Variants in DAB2 observed in about 807,000 individuals in gnomAD.
DAB2 encodes disabled homolog 2.
Under a neutral mutation model 71.6 loss-of-function variants are expected in DAB2, and 28 were observed. That is an observed-to-expected ratio of 0.39 (90% CI 0.29 to 0.54). The LOEUF is 0.54. DAB2 is among the 20% of genes least tolerant of loss of function. The probability of loss-of-function intolerance (pLI) is 0.68; values close to 1 mark genes in which losing one functional copy is unlikely to be tolerated. For synonymous variants in DAB2, 345 were observed against 339.7 expected, an observed-to-expected ratio of 1.02 and a Z score of -0.17; for missense variants, 867 against 928.8, an observed-to-expected ratio of 0.93 and a Z score of 0.86.
At chr5:39,393,511 A>G in intron 2 of DAB2, 118 bp from the exon 3 acceptor site, 2 of 1,062,432 alleles carry the variant, frequency 1.9e-6, no homozygotes, top group Non-Finnish European at 2.8e-6. Context: ...CTGATCATGT[A>G]TGTAATATTC....
chr5:39,382,919 A>C lies in DAB2; in HGVS notation c.1040T>G (p.Phe347Cys), dbSNP rs762772988. 2.5e-6 allele frequency: 4 copies of C among 1,614,148 alleles called. No homozygotes were observed. Among genetic ancestry groups the C allele is most frequent in the Non-Finnish European group, 3.4e-6 (4 of 1,180,018 alleles). Reference sequence around the variant, plus strand: ...GCCAGTCCGGTTAGAGATCTGGTCAAATTGCTGACCAAAGTAGTCAACATC... The same window carrying C: ...GCCAGTCCGGTTAGAGATCTGGTCACATTGCTGACCAAAGTAGTCAACATC... The part of the protein sequence containing the change: ...NGDVDYFGQQ[F>C]DQISNRTGKQ... Residue 347 changes from phenylalanine to cysteine, a missense_variant, in exon 10 of 15, where the codon TTT (phenylalanine) becomes TGT (cysteine). Around this residue, in one of 2 missense-constraint regions of DAB2, gnomAD observed 740 missense variants for 734.3 expected, o/e 1.01. Transcript: ENST00000320816.
At chr5:39,385,055 G>A (rs1755068014) in intron 9 of DAB2, 1 of 152,016 alleles carries the variant, frequency 6.6e-6, no homozygotes, top group South Asian at 2.1e-4. Flanking sequence ...AGCAAAATCA[G>A]ACCTAAATGG....
At chr5:39,378,307 G>A (rs1250662090) in intron 11 of DAB2, among the ~76,000 whole-genome samples, 1 of 152,186 alleles carries the variant, frequency 6.6e-6, no homozygotes, top group East Asian at 1.9e-4. Flanking sequence ...GTGCATTAAT[G>A]ATTCAGTTAA....
chr5:39,393,485 C>T (rs572488405), intron 2 of DAB2, 92 bp from the exon 3 acceptor site: 1 of 1,245,762 alleles, frequency 8.0e-7, no homozygotes, highest in African/African-American at 1.5e-5. Context: ...TAATATAAAT[C>T]CTGATTATAC....
At position 39,376,739 on chromosome 5, in the gene DAB2, G is replaced by A. The variant is rs752469743; in HGVS notation, c.2048C>T (p.Ala683Val). ...GCCAACCTTGCTGTTGAAATAACTG[G>A]CAAAGGCACTCAAAGTCCCAGAAGA... Reference protein sequence around the residue: ...QTSSGTLSAFASYFNSKVGIP... With the variant: ...QTSSGTLSAFVSYFNSKVGIP... Residue 683 changes from alanine to valine, a missense_variant, in exon 12 of 15, where the codon GCC becomes GTC. This residue lies in a region of DAB2 where 740 missense variants were observed against 734.3 expected (regional missense o/e 1.01). Transcript: ENST00000320816. The A allele has an allele frequency of 3.7e-6, 6 of 1,614,106 alleles. No homozygotes were observed. Among genetic ancestry groups the A allele is most frequent in the Non-Finnish European group, 4.2e-6 (5 of 1,180,024 alleles).
chr5:39,399,955 G>A (rs1409399618), intron 1 of DAB2, among the ~76,000 whole-genome samples: 2 of 152,128 alleles, frequency 1.3e-5, no homozygotes, highest in Non-Finnish European at 1.5e-5. Flanking sequence ...TGATTCCAAG[G>A]TTTTGAAGCA....
intron 9 of DAB2, among the ~76,000 whole-genome samples, chr5:39,387,170 A>C (rs1264621516): frequency 6.6e-6 from 1 of 152,212 alleles, no homozygotes; most frequent in Non-Finnish European, 1.5e-5. Context: ...GTAAGGATTC[A>C]CAGGCCTCAA....
At chr5:39,387,397 G>A (rs1755120239) in intron 9 of DAB2, among the ~76,000 whole-genome samples, 1 of 152,056 alleles carries the variant, frequency 6.6e-6, no homozygotes, top group African/African-American at 2.4e-5. Flanking sequence ...TCCTGCAGAA[G>A]CATTACCTGA....
intron 9 of DAB2, among the ~76,000 whole-genome samples, chr5:39,384,472 C>CTT (rs1440930986): frequency 6.6e-6 from 1 of 152,186 alleles, no homozygotes; most frequent in Non-Finnish European, 1.5e-5. Context: ...TGACCACAGA[C>CTT]TTAATTTCAG....
intron 1 of DAB2, among the ~76,000 whole-genome samples, chr5:39,412,102 G>A (rs951186032): frequency 6.6e-6 from 1 of 151,972 alleles, no homozygotes; most frequent in African/African-American, 2.4e-5. Context: ...ATTTGCACCT[G>A]GGTCCAAAAC....
chr5:39,416,583 A>G lies in DAB2; in HGVS notation c.-102+8221T>C, dbSNP rs189684786. 4.9e-3 allele frequency among the ~76,000 whole-genome samples: 753 copies of G among 152,160 alleles called. 3 individuals are homozygous for G. Among genetic ancestry groups the G allele is most frequent in the Non-Finnish European group, 9.0e-3 (615 of 67,980 alleles). ...CTAAACAGACACATAGACACACCAGACCTTCTTATGTGGTCTGCTAGCCTG... is the reference window on the plus strand; with the variant it reads ...CTAAACAGACACATAGACACACCAGGCCTTCTTATGTGGTCTGCTAGCCTG... On this transcript the variant is annotated intron_variant, in intron 1 of 14. Transcript: ENST00000320816.
intron 1 of DAB2, among the ~76,000 whole-genome samples, chr5:39,395,238 T>A (rs373552169): frequency 1.3e-5 from 2 of 152,176 alleles, no homozygotes; most frequent in Non-Finnish European, 2.9e-5. Flanking sequence ...TGTTTCTATA[T>A]GCTGTAGAGA....
intron 4 of DAB2, among the ~76,000 whole-genome samples, chr5:39,391,757 T>C (rs1193496969): frequency 6.6e-6 from 1 of 152,032 alleles, no homozygotes; most frequent in Admixed American, 6.6e-5. Flanking sequence ...TAAGTAAGAC[T>C]GTTCACAAGT....
At chr5:39,390,721 C>T in intron 4 of DAB2, 146 bp from the exon 5 acceptor site, 2 of 571,362 alleles carry the variant, frequency 3.5e-6, no homozygotes, top group Non-Finnish European at 6.0e-6. Context: ...TGGTTGAAGG[C>T]TAGAGCATTA....
At chr5:39,423,805 C>T (rs10512696) in intron 1 of DAB2, 56,034 of 151,926 alleles carry the variant, frequency 0.37, 10,443 homozygotes, top group Non-Finnish European at 0.4. Flanking sequence ...CGTGAAGTCG[C>T]CCCTCCATAA....
intron 5 of DAB2, among the ~76,000 whole-genome samples, 175 bp from the exon 6 acceptor site, chr5:39,390,107 A>G (rs1448285819): frequency 6.6e-6 from 1 of 152,078 alleles, no homozygotes; most frequent in Non-Finnish European, 1.5e-5. Flanking sequence ...TAGGTATATA[A>G]AAGACAGCAG....
At chr5:39,408,317 C>G (rs1755649834) in intron 1 of DAB2, 1 of 152,188 alleles carries the variant, frequency 6.6e-6, no homozygotes, top group Non-Finnish European at 1.5e-5. Flanking sequence ...TTTAACTAAT[C>G]TAATTCGAAT....
At chr5:39,395,392 C>A (rs750247181) in intron 1 of DAB2, among the ~76,000 whole-genome samples, 29 of 152,218 alleles carry the variant, frequency 1.9e-4, no homozygotes, top group Non-Finnish European at 3.4e-4. Flanking sequence ...CAAAAGCCCT[C>A]TTCATTCCGT....
At chr5:39,375,883 C>G in intron 13 of DAB2, 114 bp downstream of exon 13, 1 of 829,682 alleles carries the variant, frequency 1.2e-6, no homozygotes, top group Middle Eastern at 3.6e-4. Flanking sequence ...AAGACTCTGT[C>G]TTAAAAAAAT....
Sources: gnomAD v4.1 joint callset for allele counts (sites outside exome capture counted in the v4.1 genomes callset) on GRCh38, gnomAD v4.1.1 for gene constraint, gnomAD v4.1.1 regional missense constraint, MANE v1.5 for transcripts, NCBI Gene and HGNC (gene_info 2026-07-23, HGNC 2026-07-21) for gene names.